CADM2: variants seen among roughly 807,000 people sequenced by gnomAD.
CADM2 encodes immunoglobulin superfamily member 4D.
In CADM2, 12 loss-of-function variants were observed where a neutral mutation model predicts 49.8. The observed-to-expected ratio is 0.24, with a 90% CI of 0.15 to 0.39. The LOEUF (loss-of-function observed/expected upper bound fraction) is 0.39, where lower values mean the gene tolerates loss of function less well. Among genes scored for constraint, CADM2 ranks in the 10% least tolerant of loss-of-function variants. The pLI, the probability that CADM2 is intolerant of heterozygous loss-of-function variation, is 1.00. For synonymous variants in CADM2, 214 were observed against 175.4 expected (o/e 1.22, Z -1.74); for missense variants, 378 against 492.3 (o/e 0.77, Z 2.20).
chr3:85,597,253 C>A (rs1445158565), intron 1 of CADM2, among the ~76,000 whole-genome samples: 1 of 151,974 alleles, frequency 6.6e-6, no homozygotes, highest in Non-Finnish European at 1.5e-5. Context: ...ATACAACTCT[C>A]AAATCTATAT....
At chr3:85,941,163 T>A (rs145423443) in intron 7 of CADM2, among the ~76,000 whole-genome samples, 3 of 152,246 alleles carry the variant, frequency 2.0e-5, no homozygotes, top group Admixed American at 1.3e-4. Flanking sequence ...CAAGTAATTG[T>A]ATAATACATC....
At chr3:85,209,520 G>A (rs2041726652) in intron 1 of CADM2, among the ~76,000 whole-genome samples, 1 of 152,070 alleles carries the variant, frequency 6.6e-6, no homozygotes. Flanking sequence ...CTGGAAAGAA[G>A]TAATAAAATA....
At chr3:85,468,033 A>G (rs988567303) in intron 1 of CADM2, among the ~76,000 whole-genome samples, 3 of 151,150 alleles carry the variant, frequency 2.0e-5, no homozygotes, top group Non-Finnish European at 3.0e-5. Context: ...GGGCGCCTGT[A>G]GTCCCAGCTA....
rs59038758 is a variant in CADM2, at chr3:85,995,014, T to TAAAAAAAAAAAAAAAAA, written c.970+33371_970+33387dup. Among the ~76,000 whole-genome samples, 14 of 83,018 alleles carry TAAAAAAAAAAAAAAAAA rather than the reference T, an allele frequency of 1.7e-4. 2 individuals are homozygous for TAAAAAAAAAAAAAAAAA. Among genetic ancestry groups the TAAAAAAAAAAAAAAAAA allele is most frequent in the Admixed American group, 4.8e-4 (3 of 6,188 alleles). 54.5% of individuals were successfully genotyped at this position (83,018 alleles called of 152,430 possible). A position where few individuals can be genotyped will look rare whatever the true frequency, so the allele number is the denominator to read the frequency against. ...GGGTTGCCACAAATCTTCGATTTGTTAAAAAAAAAAAAAAAAAAAATCATT... is the reference window on the plus strand; with the variant it reads ...GGGTTGCCACAAATCTTCGATTTGTTAAAAAAAAAAAAAAAAAAAAAAAAAAAAAAAAAAAAATCATT... On this transcript the variant is annotated intron_variant, in intron 8 of 9. Transcript: ENST00000383699.
intron 1 of CADM2, among the ~76,000 whole-genome samples, chr3:85,165,780 G>C (rs994237012): frequency 6.6e-6 from 1 of 151,720 alleles, no homozygotes; most frequent in Non-Finnish European, 1.5e-5. Flanking sequence ...CAGAAAGTAA[G>C]TGATACAGTA....
intron 1 of CADM2, among the ~76,000 whole-genome samples, chr3:85,573,440 C>G: frequency 6.6e-6 from 1 of 152,122 alleles, no homozygotes. Context: ...GACCCACCGC[C>G]TTGACCTCCC....
intron 1 of CADM2, among the ~76,000 whole-genome samples, chr3:85,579,824 A>G (rs927092039): frequency 2.0e-5 from 3 of 152,088 alleles, no homozygotes; most frequent in African/African-American, 7.2e-5. Context: ...ATAAATATGT[A>G]TATTGCATTT....
intron 1 of CADM2, among the ~76,000 whole-genome samples, chr3:85,443,392 G>T (rs1446997188): frequency 6.6e-6 from 1 of 152,060 alleles, no homozygotes; most frequent in East Asian, 1.9e-4. Flanking sequence ...AACAGCTATT[G>T]TATAACCTCA....
In CADM2 at chr3:85,651,909, C is replaced by T. The variant is rs181708451; in HGVS notation, c.62-74613C>T. Among the ~76,000 whole-genome samples the T allele has an allele frequency of 4.2e-3, 632 of 151,370 alleles. 3 individuals carry two copies. Among genetic ancestry groups the T allele is most frequent in the Middle Eastern group, 0.031 (9 of 292 alleles). ...CTCGGCTCACTGCAAGCTCTGCCTC[C>T]CCGGTTCACGCCATTCTCTTGCCTT... is the stretch of plus-strand genomic sequence containing the variant. On this transcript the variant is annotated intron_variant, in intron 1 of 9. Coordinates refer to ENST00000383699, the MANE Select transcript of CADM2 (RefSeq NM_001167675.2).
Position 85,869,008 on chromosome 3 carries a change from T to C in CADM2, c.239-14283T>C, listed in dbSNP as rs187390029. On this transcript the variant is annotated intron_variant, in intron 3 of 9. Transcript: ENST00000383699. Reference sequence around the variant, plus strand: ...ATATCTTCTTACAGCATATTGAGGATTTAAACATTTTTATTATATTTTTCT... The same window carrying C: ...ATATCTTCTTACAGCATATTGAGGACTTAAACATTTTTATTATATTTTTCT... Among the ~76,000 whole-genome samples, 83 of 152,152 alleles carry C rather than the reference T, an allele frequency of 5.5e-4. 1 individual carries two copies. The East Asian group carries it at 0.016, about 29-fold the overall frequency.
intron 7 of CADM2, among the ~76,000 whole-genome samples, chr3:85,959,044 A>ATATATC (rs1724457108): frequency 6.6e-6 from 1 of 150,724 alleles, no homozygotes; most frequent in African/African-American, 2.4e-5. Flanking sequence ...ATCTATATCT[A>ATATATC]TATATCTATA....
At position 85,104,911 on chromosome 3, in the gene CADM2, A is replaced by G. The variant is rs150999584; in HGVS notation, c.61+145243A>G. Among the ~76,000 whole-genome samples the G allele has an allele frequency of 7.2e-3, 1,095 of 152,236 alleles. 17 individuals carry two copies. Among genetic ancestry groups the G allele is most frequent in the African/African-American group, 0.025 (1,021 of 41,544 alleles). On this transcript the variant is annotated intron_variant, in intron 1 of 9. Transcript: ENST00000383699. ...ATAAGAATGCTTGTGATTTTTGTAC[A>G]TTGATTTTTGTATCCTGAGACTTTG...
chr3:85,974,048 AT>A (rs201135124), intron 8 of CADM2, among the ~76,000 whole-genome samples: 3,076 of 151,802 alleles, frequency 0.02, 45 homozygotes, highest in Middle Eastern at 0.071. Context: ...ACAAAGTGAT[AT>A]TTTAAAAGAC....
At chr3:85,842,531 C>G (rs948222791) in intron 3 of CADM2, among the ~76,000 whole-genome samples, 4 of 152,102 alleles carry the variant, frequency 2.6e-5, no homozygotes, top group Non-Finnish European at 5.9e-5. Context: ...TTCCTGTCCA[C>G]AGTCTCTTAA....
At chr3:85,029,047 T>C (rs1241818740) in intron 1 of CADM2, among the ~76,000 whole-genome samples, 1 of 151,964 alleles carries the variant, frequency 6.6e-6, no homozygotes, top group Non-Finnish European at 1.5e-5. Flanking sequence ...TATTTCCTTC[T>C]CTATTTACAA....
intron 7 of CADM2, among the ~76,000 whole-genome samples, chr3:85,942,701 A>G (rs1040583519): frequency 6.6e-6 from 1 of 151,794 alleles, no homozygotes; most frequent in African/African-American, 2.4e-5. Flanking sequence ...TCCATGGTGT[A>G]TATGTGCCAC....
chr3:85,291,378 A>T (rs957455980), intron 1 of CADM2, among the ~76,000 whole-genome samples: 1 of 151,364 alleles, frequency 6.6e-6, no homozygotes, highest in Non-Finnish European at 1.5e-5. Flanking sequence ...GATATTATCC[A>T]TGAGAACTTC....
chr3:85,172,706 G>T (rs1022402268), intron 1 of CADM2, among the ~76,000 whole-genome samples: 2 of 151,756 alleles, frequency 1.3e-5, no homozygotes, highest in Non-Finnish European at 2.9e-5. Flanking sequence ...TTAATAGGGA[G>T]ATTTAAGTGA....
At chr3:85,683,125 C>T (rs1013818491) in intron 1 of CADM2, among the ~76,000 whole-genome samples, 1 of 151,730 alleles carries the variant, frequency 6.6e-6, no homozygotes, top group Non-Finnish European at 1.5e-5. Flanking sequence ...CTGTGAGTGC[C>T]ACCTAGATAA....
Sources: allele counts gnomAD v4.1 joint callset (sites outside exome capture counted in the v4.1 genomes callset), GRCh38; gene constraint gnomAD v4.1.1; transcripts MANE v1.5; gene names NCBI Gene and HGNC (gene_info 2026-07-23, HGNC 2026-07-21).